The following AOAH variants were observed in gnomAD, a reference collection of about 807,000 sequenced individuals.
AOAH encodes the protein acyloxyacyl hydrolase (neutrophil).
A neutral mutation model predicts 92.2 loss-of-function variants in AOAH; 64 were observed. The ratio of observed to expected loss-of-function variants is 0.69; its 90% CI spans 0.57 to 0.86. The LOEUF (loss-of-function observed/expected upper bound fraction) is 0.86. Ranked by LOEUF, AOAH falls within the 40% of genes least tolerant of loss-of-function variation. The pLI, the probability that AOAH is intolerant of heterozygous loss-of-function variation, is 0.00. For synonymous variants in AOAH, 263 were observed against 254.5 expected (o/e 1.03, Z -0.32); for missense variants, 656 against 694.6 (o/e 0.94, Z 0.62).
rs563415448 is a variant in AOAH, at chr7:36,549,567, C to T, written c.1022-92G>A. On this transcript the variant is annotated intron_variant, in intron 13 of 20. Coordinates refer to ENST00000617537, the MANE Select transcript of AOAH (RefSeq NM_001637.4). ...GTCTGATTGACTGAACTCATGAAAGCGGCATTACTGTTCGGGCAAAGGTTG... is the reference window on the plus strand; with the variant it reads ...GTCTGATTGACTGAACTCATGAAAGTGGCATTACTGTTCGGGCAAAGGTTG... 24 of 867,838 alleles carry T rather than the reference C, an allele frequency of 2.8e-5. 1 individual carries two copies. Among genetic ancestry groups the T allele is most frequent in the Middle Eastern group, 2.2e-4 (1 of 4,500 alleles). The allele number at this position is 867,838 out of a possible 1,614,324, so 53.8% of individuals were successfully genotyped here. A position where few individuals can be genotyped will look rare whatever the true frequency, so the allele number is the denominator to read the frequency against.
At chr7:36,549,553 T>A in intron 13 of AOAH, 78 bp from the exon 14 acceptor site, 1 of 971,870 alleles carries the variant, frequency 1.0e-6, no homozygotes, top group Non-Finnish European at 1.6e-6. Context: ...TCTGATTGAC[T>A]GAACTCATGA....
chr7:36,706,040 TAA>T (rs1798384666), intron 1 of AOAH, among the ~76,000 whole-genome samples: 1 of 152,042 alleles, frequency 6.6e-6, no homozygotes, highest in Non-Finnish European at 1.5e-5. Flanking sequence ...CCTAAAACCA[TAA>T]AAACCCTAGA....
chr7:36,618,148 C>T, intron 10 of AOAH, 149 bp downstream of exon 10: 1 of 582,288 alleles, frequency 1.7e-6, no homozygotes, highest in Non-Finnish European at 3.0e-6. Context: ...TTTTTCTGAT[C>T]TGTCATGAAA....
At chr7:36,673,785 A>C (rs2116657770) in intron 3 of AOAH, among the ~76,000 whole-genome samples, 158 bp downstream of exon 3, 1 of 152,308 alleles carries the variant, frequency 6.6e-6, no homozygotes, top group East Asian at 1.9e-4. Flanking sequence ...GATCCAAATT[A>C]GGTTCCAATT....
intron 1 of AOAH, among the ~76,000 whole-genome samples, chr7:36,704,394 A>G (rs887986577): frequency 4.6e-5 from 7 of 152,172 alleles, no homozygotes; most frequent in African/African-American, 1.7e-4. Flanking sequence ...AATCTAGAAG[A>G]AATGGATAAA....
chr7:36,517,278 T>TGTC (rs1203091469), intron 20 of AOAH, among the ~76,000 whole-genome samples: 4 of 148,530 alleles, frequency 2.7e-5, no homozygotes, highest in Non-Finnish European at 4.5e-5. Flanking sequence ...CTTTCTTTCT[T>TGTC]TCTTTCTTTC....
intron 11 of AOAH, among the ~76,000 whole-genome samples, chr7:36,612,096 A>G (rs1243827710): frequency 6.6e-6 from 1 of 152,240 alleles, no homozygotes; most frequent in African/African-American, 2.4e-5. Context: ...CTTAAAACAA[A>G]TAGAACAAAC....
chr7:36,615,684 T>A (rs1791820198), intron 11 of AOAH, among the ~76,000 whole-genome samples: 1 of 152,236 alleles, frequency 6.6e-6, no homozygotes. Flanking sequence ...AGCAGGTGTG[T>A]GCTCAGGTGA....
chr7:36,559,569 T>C (rs1486474353), intron 13 of AOAH, among the ~76,000 whole-genome samples: 1 of 152,226 alleles, frequency 6.6e-6, no homozygotes, highest in Non-Finnish European at 1.5e-5. Context: ...TCTGTTCATG[T>C]CTTTTGCCCA....
chr7:36,593,032 C>A (rs1018958434), intron 12 of AOAH, among the ~76,000 whole-genome samples: 1 of 152,182 alleles, frequency 6.6e-6, no homozygotes, highest in African/African-American at 2.4e-5. Flanking sequence ...TTTTATGACC[C>A]CAGTCTCCCA....
At position 36,635,863 on chromosome 7, in the gene AOAH, C is replaced by G. The variant is rs1387818104; in HGVS notation, c.450+1988G>C. On this transcript the variant is annotated intron_variant, in intron 5 of 20. Transcript: ENST00000617537. ...AAATGGGGCTGATGACAAAAATACT[C>G]TATCTATTTGAGAATGAAATGATTC... 2.0e-5 allele frequency among the ~76,000 whole-genome samples: 3 copies of G among 152,188 alleles called. 1 individual carries two copies. The highest frequency in any genetic ancestry group is 4.4e-5 in the Non-Finnish European group (3 of 68,032).
rs78650026 is a variant in AOAH at position 36,516,443 on chromosome 7, C to A, written c.1600-3063G>T. Among the ~76,000 whole-genome samples, 553 of 111,720 alleles carry A rather than the reference C, an allele frequency of 4.9e-3. 42 individuals are homozygous for A. The highest frequency in any genetic ancestry group is 0.014 in the African/African-American group (442 of 32,026). The allele number at this position is 111,720 out of a possible 152,430, so 73.3% of individuals were successfully genotyped here. On this transcript the variant is annotated intron_variant, in intron 20 of 20. Transcript: ENST00000617537. This position sits in a 1 kb window ranked among gnomAD's most constrained non-coding sequence, Gnocchi z 5.0. ...CACAGAAAGCACGCAGATACCCCCC[C>A]CACACACACAGAAAGTGCACGGATA...
chr7:36,636,328 G>A (rs771554640), intron 5 of AOAH, among the ~76,000 whole-genome samples: 5 of 152,026 alleles, frequency 3.3e-5, no homozygotes, highest in Non-Finnish European at 4.4e-5. Context: ...ATCCTGCCCC[G>A]TGAATTATGC....
At chr7:36,644,929 G>T (rs987606077) in intron 4 of AOAH, among the ~76,000 whole-genome samples, 1 of 145,308 alleles carries the variant, frequency 6.9e-6, no homozygotes, top group Non-Finnish European at 1.5e-5. Flanking sequence ...AGGTGGGGGT[G>T]GGGGAGACTG....
intron 13 of AOAH, among the ~76,000 whole-genome samples, chr7:36,563,320 C>A (rs1787427176): frequency 6.7e-6 from 1 of 149,098 alleles, no homozygotes; most frequent in South Asian, 2.2e-4. Context: ...AGACCACTTT[C>A]CCAGATCTAG....
chr7:36,660,961 A>G (rs563985083), intron 3 of AOAH: 1 of 152,358 alleles, frequency 6.6e-6, no homozygotes, highest in Admixed American at 6.5e-5. Context: ...GAAGCAAATT[A>G]TTGATTCAAA....
chr7:36,582,209 CTG>C (rs1389014562), intron 12 of AOAH, among the ~76,000 whole-genome samples: 2 of 152,134 alleles, frequency 1.3e-5, no homozygotes, highest in Non-Finnish European at 2.9e-5. Context: ...TCTTTCTGCT[CTG>C]TTGTATATAT....
At chr7:36,517,222 T>TTCTTTCTTTTTCTCTTTCTTTCTC (rs1562854041) in intron 20 of AOAH, among the ~76,000 whole-genome samples, 1 of 67,266 alleles carries the variant, frequency 1.5e-5, no homozygotes, top group South Asian at 5.9e-4. Context: ...TTCTCTTTCT[T>TTCTTTCTTTTTCTCTTTCTTTCTC]TCTGTCTCTC....
At chr7:36,521,184 T>C (rs777797760) in intron 20 of AOAH, among the ~76,000 whole-genome samples, 2 of 152,222 alleles carry the variant, frequency 1.3e-5, no homozygotes, top group South Asian at 2.1e-4. Context: ...CTCAGGTTTG[T>C]ACCCTTTGGT....
Sources: allele counts gnomAD v4.1 joint callset (sites outside exome capture counted in the v4.1 genomes callset), GRCh38; gene constraint gnomAD v4.1.1; non-coding constraint Gnocchi (gnomAD v3.1); transcripts MANE v1.5; gene names NCBI Gene and HGNC (gene_info 2026-07-23, HGNC 2026-07-21).